The following ZNF277 variants were observed in gnomAD, a reference collection of about 807,000 sequenced individuals.
The protein encoded by ZNF277 is zinc finger protein 277.
In ZNF277, 55 loss-of-function variants were observed where a neutral mutation model predicts 60.7. That is an observed-to-expected ratio of 0.91 (90% confidence interval 0.73 to 1.13). ZNF277 has a LOEUF of 1.13. ZNF277 is among the 50% of genes most tolerant of loss of function. ZNF277 has a pLI of 0.00. For missense variants in ZNF277, 510 were observed against 523.0 expected (o/e 0.98, Z 0.24); for synonymous variants, 178 against 179.3 (o/e 0.99, Z 0.06).
chr7:112,230,373 C>A (rs185974740), intron 1 of ZNF277, among the ~76,000 whole-genome samples: 1 of 152,098 alleles, frequency 6.6e-6, no homozygotes, highest in East Asian at 1.9e-4. Context: ...AACTGGATGC[C>A]CAGCTAAAAA....
intron 4 of ZNF277, among the ~76,000 whole-genome samples, chr7:112,313,768 T>C (rs1218209973): frequency 6.6e-6 from 1 of 152,146 alleles, no homozygotes; most frequent in Non-Finnish European, 1.5e-5. Flanking sequence ...TTTTACTTTA[T>C]AAATGAAATA....
At chr7:112,270,235 G>C (rs1454632110) in intron 1 of ZNF277, among the ~76,000 whole-genome samples, 1 of 152,076 alleles carries the variant, frequency 6.6e-6, no homozygotes, top group East Asian at 1.9e-4. Flanking sequence ...GTAGGTCCTT[G>C]GGGGCACTTA....
At chr7:112,280,003 G>A (rs1008751488) in intron 1 of ZNF277, among the ~76,000 whole-genome samples, 2 of 152,128 alleles carry the variant, frequency 1.3e-5, no homozygotes, top group African/African-American at 4.8e-5. Context: ...ATAAATTCCT[G>A]TGTAATTTAT....
intron 7 of ZNF277, among the ~76,000 whole-genome samples, chr7:112,334,611 T>C (rs10224887): frequency 0.36 from 54,170 of 151,974 alleles, 12,523 homozygotes; most frequent in African/African-American, 0.66. Flanking sequence ...CATATTGTAC[T>C]CAACACTGAG....
chr7:112,329,646 A>G (rs745871626), intron 6 of ZNF277, among the ~76,000 whole-genome samples: 6 of 152,212 alleles, frequency 3.9e-5, no homozygotes, highest in Non-Finnish European at 7.3e-5. Context: ...TCCCACAGCT[A>G]GCTGGCACTG....
chr7:112,279,929 GAT>G (rs1390731677), intron 1 of ZNF277, among the ~76,000 whole-genome samples: 1 of 152,158 alleles, frequency 6.6e-6, no homozygotes, highest in East Asian at 1.9e-4. Flanking sequence ...TGAGGCTGAA[GAT>G]ATGGACAAAG....
intron 1 of ZNF277, among the ~76,000 whole-genome samples, chr7:112,280,902 A>G (rs542272034): frequency 6.6e-6 from 1 of 152,284 alleles, no homozygotes; most frequent in South Asian, 2.1e-4. Flanking sequence ...TGCTGGGATT[A>G]CAGGCATGAG....
chr7:112,295,244 G>A (rs140011709), intron 2 of ZNF277, among the ~76,000 whole-genome samples: 7 of 152,208 alleles, frequency 4.6e-5, no homozygotes, highest in African/African-American at 1.4e-4. Context: ...TGTAGGTCTG[G>A]GTGTTAGGCT....
intron 1 of ZNF277, among the ~76,000 whole-genome samples, chr7:112,271,559 T>C (rs1410364599): frequency 6.6e-6 from 1 of 152,180 alleles, no homozygotes; most frequent in Non-Finnish European, 1.5e-5. Context: ...TGCTTATAAC[T>C]ACATTTTTTA....
chr7:112,272,089 C>G (rs1791682239), intron 1 of ZNF277, among the ~76,000 whole-genome samples: 1 of 152,130 alleles, frequency 6.6e-6, no homozygotes, highest in African/African-American at 2.4e-5. Context: ...CCCCTACCCC[C>G]TACTAGCCAG....
At chr7:112,238,027 A>C (rs1790847370) in intron 1 of ZNF277, among the ~76,000 whole-genome samples, 1 of 152,238 alleles carries the variant, frequency 6.6e-6, no homozygotes, top group Non-Finnish European at 1.5e-5. Flanking sequence ...CCCCTCCAGC[A>C]ATCATCCCCA....
rs1333970996 is a variant in ZNF277 at position 112,233,164 on chromosome 7, C to T, written c.91+26357C>T. 2.6e-5 allele frequency among the ~76,000 whole-genome samples: 4 copies of T among 152,092 alleles called. No homozygotes were observed. The East Asian group carries it at 7.7e-4, about 29-fold the overall frequency. ...AGAAATAGGGATTTCACAATCCTAT[C>T]GGGATTGTGATTGTGATGCACTTTG... On this transcript the variant is annotated intron_variant, in intron 1 of 11. Transcript: ENST00000361822.
chr7:112,224,477 A>T (rs570799327), intron 1 of ZNF277, among the ~76,000 whole-genome samples: 2 of 152,344 alleles, frequency 1.3e-5, no homozygotes, highest in African/African-American at 4.8e-5. Context: ...AAAAGTGGGA[A>T]TTTATAGTCA....
chr7:112,306,976 T>C (rs545801503), intron 4 of ZNF277, among the ~76,000 whole-genome samples: 1 of 152,114 alleles, frequency 6.6e-6, no homozygotes, highest in South Asian at 2.1e-4. Flanking sequence ...GGAATAATTA[T>C]ATTATTTCTC....
chr7:112,314,948 A>G (rs1220679222), intron 4 of ZNF277, among the ~76,000 whole-genome samples: 1 of 152,128 alleles, frequency 6.6e-6, no homozygotes, highest in Non-Finnish European at 1.5e-5. Flanking sequence ...TTATTTCCAG[A>G]TAGTGTAATT....
chr7:112,247,081 A>G (rs1204632197), intron 1 of ZNF277, among the ~76,000 whole-genome samples: 1 of 152,174 alleles, frequency 6.6e-6, no homozygotes, highest in Non-Finnish European at 1.5e-5. Flanking sequence ...TGTATAACCA[A>G]TCACTAATCA....
At chr7:112,237,576 A>G (rs1208395861) in intron 1 of ZNF277, among the ~76,000 whole-genome samples, 1 of 152,164 alleles carries the variant, frequency 6.6e-6, no homozygotes, top group Admixed American at 6.5e-5. Context: ...AAACAACACT[A>G]TGCTCACAAA....
chr7:112,329,643 G>T (rs1051899753), intron 6 of ZNF277, among the ~76,000 whole-genome samples: 6 of 152,134 alleles, frequency 3.9e-5, no homozygotes, highest in African/African-American at 1.4e-4. Flanking sequence ...AAGTCCCACA[G>T]CTAGCTGGCA....
intron 1 of ZNF277, among the ~76,000 whole-genome samples, chr7:112,259,222 A>G (rs911133464): frequency 4.6e-5 from 7 of 152,168 alleles, no homozygotes; most frequent in African/African-American, 9.6e-5. Context: ...ATAAAATACA[A>G]TAAATTTTTA....
Sources: gnomAD v4.1 joint callset for allele counts (sites outside exome capture counted in the v4.1 genomes callset) on GRCh38, gnomAD v4.1.1 for gene constraint, MANE v1.5 for transcripts, NCBI Gene and HGNC (gene_info 2026-07-23, HGNC 2026-07-21) for gene names.